The following GABBR2 variants were observed in gnomAD, a reference collection of about 807,000 sequenced individuals.
GABBR2 encodes the protein gamma-aminobutyric acid type B receptor subunit 2, also known as G-protein coupled receptor 51.
In GABBR2, 23 loss-of-function variants were observed where a neutral mutation model predicts 105.6. That is an observed-to-expected ratio of 0.22 (90% CI 0.16 to 0.31). The LOEUF is 0.31. Ranked by LOEUF, GABBR2 falls within the 10% of genes least tolerant of loss-of-function variation. GABBR2 has a pLI of 1.00. For missense variants in GABBR2, 734 were observed against 1,245.5 expected (o/e 0.59, Z 6.18); for synonymous variants, 478 against 499.7 (o/e 0.96, Z 0.58).
chr9:98,512,846 A>G (rs79445799), intron 3 of GABBR2, among the ~76,000 whole-genome samples: 52,449 of 152,078 alleles, frequency 0.34, 9,309 homozygotes, highest in Middle Eastern at 0.5. Context: ...TAATTTATAG[A>G]TTCAATGCCA....
intron 1 of GABBR2, among the ~76,000 whole-genome samples, chr9:98,663,657 TAA>T (rs60374831): frequency 1.8e-4 from 23 of 130,174 alleles, no homozygotes; most frequent in Admixed American, 5.5e-4. Flanking sequence ...GCTGCCCCAC[TAA>T]AAAAAAAAAA....
chr9:98,350,128 C>CT (rs1831371174), intron 13 of GABBR2, among the ~76,000 whole-genome samples: 1 of 149,744 alleles, frequency 6.7e-6, no homozygotes, highest in African/African-American at 2.5e-5. Context: ...TTATTTTCAT[C>CT]TTTTTTTTCT....
At chr9:98,679,431 A>G (rs1157458324) in intron 1 of GABBR2, among the ~76,000 whole-genome samples, 1 of 152,250 alleles carries the variant, frequency 6.6e-6, no homozygotes, top group African/African-American at 2.4e-5. Context: ...AGCCACTATA[A>G]TAGCAAAAGA....
At chr9:98,615,297 G>A (rs568656929) in intron 1 of GABBR2, among the ~76,000 whole-genome samples, 1 of 152,284 alleles carries the variant, frequency 6.6e-6, no homozygotes, top group South Asian at 2.1e-4. Flanking sequence ...GATTTACTGA[G>A]GAAAGGAGGA....
At chr9:98,602,459 C>A (rs377403641) in intron 1 of GABBR2, among the ~76,000 whole-genome samples, 332 of 125,414 alleles carry the variant, frequency 2.6e-3, no homozygotes, top group African/African-American at 3.3e-3. Flanking sequence ...GACTCTGTCT[C>A]AAAAAAAAAA....
At chr9:98,648,812 C>T (rs1369402228) in intron 1 of GABBR2, among the ~76,000 whole-genome samples, 1 of 152,222 alleles carries the variant, frequency 6.6e-6, no homozygotes, top group Non-Finnish European at 1.5e-5. Flanking sequence ...AGGACTCAGT[C>T]TGGTGTCCAG....
chr9:98,584,980 G>A (rs1020054406), intron 1 of GABBR2, among the ~76,000 whole-genome samples: 2 of 152,130 alleles, frequency 1.3e-5, no homozygotes, highest in African/African-American at 4.8e-5. Context: ...AGATAGCTAA[G>A]CTCCGCAGAG....
intron 13 of GABBR2, among the ~76,000 whole-genome samples, chr9:98,352,362 G>T (rs2131425831): frequency 6.6e-6 from 1 of 152,338 alleles, no homozygotes; most frequent in Non-Finnish European, 1.5e-5. Context: ...GCCACCTCTG[G>T]TGGCAGAAGA....
At chr9:98,363,945 T>C (rs1831632093) in intron 12 of GABBR2, among the ~76,000 whole-genome samples, 1 of 152,114 alleles carries the variant, frequency 6.6e-6, no homozygotes, top group Non-Finnish European at 1.5e-5. Context: ...AAGAGACTCA[T>C]GGAAAAACAA....
intron 6 of GABBR2, among the ~76,000 whole-genome samples, chr9:98,463,381 G>A (rs1170250953): frequency 6.6e-6 from 1 of 152,212 alleles, no homozygotes; most frequent in African/African-American, 2.4e-5. Flanking sequence ...GTATGTATGT[G>A]TGTATAAACT....
intron 1 of GABBR2, among the ~76,000 whole-genome samples, chr9:98,656,815 A>T (rs1830190165): frequency 6.6e-6 from 1 of 152,200 alleles, no homozygotes; most frequent in African/African-American, 2.4e-5. Context: ...GAGCACTGTG[A>T]CATGATTATG....
Position 98,708,519 on chromosome 9 carries a change from G to A in GABBR2, c.219C>T (p.Ile73=). The A allele has an allele frequency of 1.3e-6, 2 of 1,598,030 alleles. No individual in the cohort carries two copies. Among genetic ancestry groups the A allele is most frequent in the African/African-American group, 1.3e-5 (1 of 74,634 alleles). ...CCACGGCGGGGAGCACACCGCGCCC[G>A]ATGCTGCCCTTGGCCACCTCCTTGG... The part of the protein sequence containing the change: ...PLTKEVAKGS[I]GRGVLPAVEL... The change falls in exon 1 of 19, where the codon ATC becomes ATT. Residue 73 remains isoleucine, a synonymous_variant. Transcript: ENST00000259455.
chr9:98,325,043 A>G (rs1332567358), intron 13 of GABBR2, among the ~76,000 whole-genome samples: 1 of 152,082 alleles, frequency 6.6e-6, no homozygotes, highest in African/African-American at 2.4e-5. Flanking sequence ...GTCTTCTCTC[A>G]TATCTCTTCC....
At chr9:98,406,220 AATTC>A in intron 7 of GABBR2, 79 bp from the exon 8 acceptor site, 1 of 754,326 alleles carries the variant, frequency 1.3e-6, no homozygotes, top group East Asian at 2.7e-5. Flanking sequence ...ATCTCACAGC[AATTC>A]ATTAACTGTA....
intron 1 of GABBR2, among the ~76,000 whole-genome samples, chr9:98,595,125 C>T (rs2808541): frequency 0.08 from 12,238 of 152,082 alleles, 1,110 homozygotes; most frequent in East Asian, 0.49. Context: ...GTTCTGGAGG[C>T]CAGAAAGTTT....
intron 1 of GABBR2, among the ~76,000 whole-genome samples, chr9:98,668,883 T>TG (rs1830371842): frequency 6.8e-6 from 1 of 147,612 alleles, no homozygotes; most frequent in African/African-American, 2.5e-5. Context: ...ATATTCCATT[T>TG]TGTGTGTGTG....
intron 1 of GABBR2, among the ~76,000 whole-genome samples, chr9:98,582,887 T>C (rs1158030581): frequency 6.6e-6 from 1 of 152,194 alleles, no homozygotes; most frequent in Non-Finnish European, 1.5e-5. Flanking sequence ...CCCCACACTC[T>C]CATTTTCAGA....
At chr9:98,550,079 A>G (rs894717542) in intron 2 of GABBR2, among the ~76,000 whole-genome samples, 1 of 152,352 alleles carries the variant, frequency 6.6e-6, no homozygotes, top group East Asian at 1.9e-4. Flanking sequence ...AGTCCTGTCC[A>G]AATCCTATAA....
At chr9:98,576,904 T>TTGGATGGA (rs71369567) in intron 2 of GABBR2, among the ~76,000 whole-genome samples, 320 of 99,604 alleles carry the variant, frequency 3.2e-3, no homozygotes, top group East Asian at 0.01. Flanking sequence ...AAAATATTTG[T>TTGGATGGA]TGGATGGATG....
Sources: gnomAD v4.1 joint callset for allele counts (sites outside exome capture counted in the v4.1 genomes callset) on GRCh38, gnomAD v4.1.1 for gene constraint, MANE v1.5 for transcripts, NCBI Gene and HGNC (gene_info 2026-07-23, HGNC 2026-07-21) for gene names.